MAPK8: variants seen among roughly 807,000 people sequenced by gnomAD.
The protein encoded by MAPK8 is mitogen-activated protein kinase 8, also known as JUN N-terminal kinase.
Under a neutral mutation model 52.9 loss-of-function variants are expected in MAPK8, and 13 were observed. The observed-to-expected ratio is 0.25, with a 90% CI of 0.16 to 0.39. MAPK8 has a LOEUF of 0.39. Among genes scored for constraint, MAPK8 ranks in the 10% least tolerant of loss-of-function variants. The pLI is 1.00. For synonymous variants in MAPK8, 191 were observed against 169.8 expected, an observed-to-expected ratio of 1.12 and a Z score of -0.97; for missense variants, 300 against 519.2, an observed-to-expected ratio of 0.58 and a Z score of 4.10.
Position 48,353,175 on chromosome 10 carries a change from T to C in MAPK8, c.-50+46354T>C, listed in dbSNP as rs183898401. 6.6e-5 allele frequency among the ~76,000 whole-genome samples: 10 copies of C among 152,290 alleles called. No homozygotes were observed. The East Asian group carries it at 1.9e-3, about 29-fold the overall frequency. ...GTTATAAATGACTATTTTCCTAAAA[T>C]AGATGTAATACAAGTTTAACAAAAT... On this transcript the variant is annotated intron_variant, in intron 1 of 11. Transcript: ENST00000374189.
At chr10:48,363,359 G>C (rs1295607649) in intron 1 of MAPK8, among the ~76,000 whole-genome samples, 4 of 152,050 alleles carry the variant, frequency 2.6e-5, no homozygotes, top group Admixed American at 2.6e-4. Flanking sequence ...CCCCACCTTT[G>C]GCTTTGGTAG....
At position 48,435,043 on chromosome 10, in the gene MAPK8, C is replaced by A. The variant is rs200811159; in HGVS notation, c.*14C>A. ...TGCTGTAGATGACTACTTGGGCCAT[C>A]GGGGGGTGGGAGGGATGGGGAGTCG... On this transcript the variant is annotated 3_prime_UTR_variant, in exon 12 of 12. Transcript: ENST00000374189. 3 of 248,668 alleles carry A rather than the reference C, an allele frequency of 1.2e-5. No individual in the cohort carries two copies. The highest frequency in any genetic ancestry group is 4.7e-4 in the Middle Eastern group (1 of 2,106). The allele number at this position is 248,668 out of a possible 1,614,324, so 15.4% of individuals were successfully genotyped here.
At chr10:48,313,343 G>A (rs1268935830) in intron 1 of MAPK8, among the ~76,000 whole-genome samples, 1 of 152,128 alleles carries the variant, frequency 6.6e-6, no homozygotes, top group Non-Finnish European at 1.5e-5. Context: ...TGAGGCAGGA[G>A]AATCTCTTGA....
chr10:48,321,968 G>GTT (rs905900297), intron 1 of MAPK8, among the ~76,000 whole-genome samples: 32 of 152,310 alleles, frequency 2.1e-4, no homozygotes, highest in African/African-American at 7.7e-4. Flanking sequence ...AGAGGTGTGT[G>GTT]TGTAATGGGT....
chr10:48,374,612 C>G (rs2040539107), intron 1 of MAPK8, among the ~76,000 whole-genome samples: 1 of 152,180 alleles, frequency 6.6e-6, no homozygotes, highest in Non-Finnish European at 1.5e-5. Context: ...ATAAACACCT[C>G]TATGCAAATA....
intron 1 of MAPK8, among the ~76,000 whole-genome samples, chr10:48,368,428 G>A (rs1409238734): frequency 6.6e-6 from 1 of 152,164 alleles, no homozygotes; most frequent in Non-Finnish European, 1.5e-5. Flanking sequence ...TCCTCTCCCC[G>A]CATGTTGGCT....
chr10:48,387,697 A>G (rs776369002), intron 1 of MAPK8, among the ~76,000 whole-genome samples: 3 of 152,190 alleles, frequency 2.0e-5, no homozygotes, highest in Non-Finnish European at 2.9e-5. Flanking sequence ...GCAGATGAGA[A>G]TCTGCTGTTC....
chr10:48,338,405 A>T (rs1844903978), intron 1 of MAPK8, among the ~76,000 whole-genome samples: 1 of 150,642 alleles, frequency 6.6e-6, no homozygotes, highest in Non-Finnish European at 1.5e-5. Flanking sequence ...AACCTCAACA[A>T]CCTAGGCATC....
intron 1 of MAPK8, among the ~76,000 whole-genome samples, chr10:48,339,605 A>G (rs982374561): frequency 1.3e-5 from 2 of 152,226 alleles, no homozygotes; most frequent in African/African-American, 4.8e-5. Context: ...TCTGCACAGC[A>G]AAAGAAACAA....
chr10:48,355,392 C>A (rs937092428), intron 1 of MAPK8, among the ~76,000 whole-genome samples: 38 of 151,214 alleles, frequency 2.5e-4, no homozygotes, highest in Admixed American at 7.9e-4. Context: ...GCCTGTAGTC[C>A]CAGCAGCTCG....
intron 1 of MAPK8, among the ~76,000 whole-genome samples, chr10:48,327,770 G>A (rs1843678152): frequency 6.6e-6 from 1 of 152,170 alleles, no homozygotes; most frequent in Non-Finnish European, 1.5e-5. Flanking sequence ...AATAGATACA[G>A]ATCTATTCAG....
At chr10:48,406,133 G>C (rs1338584656) in intron 3 of MAPK8, among the ~76,000 whole-genome samples, 1 of 152,142 alleles carries the variant, frequency 6.6e-6, no homozygotes, top group Non-Finnish European at 1.5e-5. Flanking sequence ...TAAAGATGGG[G>C]TAAAAATTGG....
chr10:48,321,846 A>G (rs911569804), intron 1 of MAPK8, among the ~76,000 whole-genome samples: 2 of 152,102 alleles, frequency 1.3e-5, no homozygotes, highest in African/African-American at 2.4e-5. Flanking sequence ...TATTCCATTG[A>G]TCTATGTGTC....
chr10:48,376,176 GC>G (rs1697291077), intron 1 of MAPK8, among the ~76,000 whole-genome samples: 3 of 152,182 alleles, frequency 2.0e-5, no homozygotes, highest in Admixed American at 2.0e-4. Flanking sequence ...GGGAAAACTG[GC>G]TAGCCATATG....
intron 1 of MAPK8, among the ~76,000 whole-genome samples, chr10:48,349,448 A>G (rs1846094739): frequency 6.6e-6 from 1 of 152,200 alleles, no homozygotes; most frequent in Non-Finnish European, 1.5e-5. Flanking sequence ...AACAAATTAG[A>G]ACTCAGGATT....
intron 1 of MAPK8, among the ~76,000 whole-genome samples, chr10:48,307,806 TTTCA>T (rs953683876): frequency 6.6e-5 from 10 of 152,320 alleles, no homozygotes; most frequent in Non-Finnish European, 1.2e-4. Context: ...ACATCTGTTT[TTTCA>T]TTCATTCATT....
At chr10:48,313,952 G>A (rs888691339) in intron 1 of MAPK8, among the ~76,000 whole-genome samples, 28 of 152,062 alleles carry the variant, frequency 1.8e-4, no homozygotes, top group African/African-American at 5.8e-4. Context: ...GTGAGCCACC[G>A]CACGTGGCCT....
At chr10:48,318,466 G>T (rs1198570428) in intron 1 of MAPK8, among the ~76,000 whole-genome samples, 1 of 152,194 alleles carries the variant, frequency 6.6e-6, no homozygotes, top group Non-Finnish European at 1.5e-5. Flanking sequence ...TAACTAGAAT[G>T]CTTATTGTGT....
chr10:48,381,911 A>G (rs2041027533), intron 1 of MAPK8, among the ~76,000 whole-genome samples: 1 of 152,096 alleles, frequency 6.6e-6, no homozygotes, highest in Non-Finnish European at 1.5e-5. Context: ...GCAACTACCC[A>G]CGTGGCACCC....
Sources: gnomAD v4.1 joint callset for allele counts (sites outside exome capture counted in the v4.1 genomes callset) on GRCh38, gnomAD v4.1.1 for gene constraint, MANE v1.5 for transcripts, NCBI Gene and HGNC (gene_info 2026-07-23, HGNC 2026-07-21) for gene names.